The following MDFIC variants were observed in gnomAD, a reference collection of about 807,000 sequenced individuals.
MDFIC encodes myoD family inhibitor domain-containing protein.
A neutral mutation model predicts 23.2 loss-of-function variants in MDFIC; 17 were observed. The observed-to-expected ratio is 0.73, with a 90% CI of 0.50 to 1.10. The LOEUF is 1.10. Among genes scored for constraint, MDFIC ranks in the 50% least tolerant of loss-of-function variants. The probability of loss-of-function intolerance (pLI) is 0.00; values close to 1 mark genes in which losing one functional copy is unlikely to be tolerated. For missense variants in MDFIC, 356 were observed against 316.6 expected, an observed-to-expected ratio of 1.12 and a Z score of -0.95; for synonymous variants, 120 against 115.2, an observed-to-expected ratio of 1.04 and a Z score of -0.27.
rs537042324 is a variant in MDFIC, at chr7:115,016,185, C to G, written c.*250C>G. ...ACAATAACTTAGGGACATTTTGACA[C>G]CCCCCTTCCCAAATGTTAAATGCCT... On this transcript the variant is annotated 3_prime_UTR_variant, in exon 5 of 5. Coordinates refer to ENST00000393486, the MANE Select transcript of MDFIC (RefSeq NM_001166345.3). 2.5e-6 allele frequency: 1 copy of G among 404,382 alleles called. No individual in the cohort carries two copies. Among genetic ancestry groups the G allele is most frequent in the Non-Finnish European group, 4.4e-6 (1 of 225,862 alleles). The allele number at this position is 404,382 out of a possible 1,614,324, so 25.0% of individuals were successfully genotyped here. A position where few individuals can be genotyped will look rare whatever the true frequency, so the allele number is the denominator to read the frequency against.
At chr7:114,924,243 G>A (rs1397318748) in intron 2 of MDFIC, among the ~76,000 whole-genome samples, 1 of 152,144 alleles carries the variant, frequency 6.6e-6, no homozygotes, top group African/African-American at 2.4e-5. Context: ...TTTCTGAGAA[G>A]CAGCCCGTGT....
intron 4 of MDFIC, among the ~76,000 whole-genome samples, chr7:114,998,520 A>G (rs1035500832): frequency 6.6e-6 from 1 of 152,206 alleles, no homozygotes; most frequent in Non-Finnish European, 1.5e-5. Context: ...CAAATGCCAC[A>G]TGATTTACCT....
At chr7:114,969,935 C>G (rs1260272127) in intron 3 of MDFIC, among the ~76,000 whole-genome samples, 2 of 152,122 alleles carry the variant, frequency 1.3e-5, no homozygotes, top group Non-Finnish European at 2.9e-5. Flanking sequence ...TGGAAGTAGC[C>G]CTTCATGATC....
chr7:114,927,169 C>A (rs757159334), intron 2 of MDFIC, among the ~76,000 whole-genome samples: 4 of 152,098 alleles, frequency 2.6e-5, no homozygotes, highest in Non-Finnish European at 4.4e-5. Context: ...TTGGTTTCAT[C>A]CCAGACTTAT....
At chr7:114,975,451 G>C (rs933571553) in intron 3 of MDFIC, among the ~76,000 whole-genome samples, 2 of 151,866 alleles carry the variant, frequency 1.3e-5, no homozygotes, top group Non-Finnish European at 2.9e-5. Flanking sequence ...GTAAAGATTT[G>C]AAAAAAGAAA....
rs764512112 is a variant in MDFIC at position 114,922,570 on chromosome 7, T to A, written c.-174T>A. 7.9e-7 allele frequency: 1 copy of A among 1,268,882 alleles called. No individual in the cohort carries two copies. 78.6% of individuals were successfully genotyped at this position (1,268,882 alleles called of 1,614,324 possible). ...CGGCCGCTGCCGGAGGCTCGCTAAC[T>A]TTCCGGGGCGGAAGAGGAGGAGGAG... On this transcript the variant is annotated 5_prime_UTR_variant, in exon 1 of 5. Coordinates refer to ENST00000393486, the MANE Select transcript of MDFIC (RefSeq NM_001166345.3).
chr7:114,934,623 G>A (rs1451287695), intron 2 of MDFIC, among the ~76,000 whole-genome samples: 2 of 152,056 alleles, frequency 1.3e-5, no homozygotes, highest in African/African-American at 4.8e-5. Flanking sequence ...CCCTTCAAAG[G>A]AATATATTTT....
At chr7:114,969,995 C>G (rs1030648770) in intron 3 of MDFIC, among the ~76,000 whole-genome samples, 2 of 152,172 alleles carry the variant, frequency 1.3e-5, no homozygotes, top group Non-Finnish European at 2.9e-5. Flanking sequence ...CGTAGGATAG[C>G]CACAGTGTAA....
At chr7:114,938,788 C>G (rs1792483452) in intron 2 of MDFIC, among the ~76,000 whole-genome samples, 1 of 6,894 alleles carries the variant, frequency 1.5e-4, no homozygotes, top group South Asian at 0.015. Context: ...TATGGGTTGT[C>G]TTTCAGGTCT....
chr7:114,976,919 A>G (rs1031921654), intron 3 of MDFIC, among the ~76,000 whole-genome samples: 1 of 152,130 alleles, frequency 6.6e-6, no homozygotes, highest in African/African-American at 2.4e-5. Flanking sequence ...AGTCCTCTTT[A>G]GCACATTTAT....
intron 2 of MDFIC, among the ~76,000 whole-genome samples, chr7:114,941,608 AC>A (rs1480919244): frequency 1.3e-5 from 2 of 151,578 alleles, no homozygotes; most frequent in African/African-American, 4.9e-5. Context: ...AGTGCTCTGG[AC>A]CTCTCATAGC....
chr7:114,994,993 C>T lies in MDFIC; in HGVS notation c.493+15212C>T, dbSNP rs1442373847. On this transcript the variant is annotated intron_variant, in intron 4 of 4. Coordinates refer to ENST00000393486, the MANE Select transcript of MDFIC (RefSeq NM_001166345.3). ...GTCACTTTCAGGTACACCAATCAGACGTAGATTTGGTCTTTTCACATAGCC... is the reference window on the plus strand; with the variant it reads ...GTCACTTTCAGGTACACCAATCAGATGTAGATTTGGTCTTTTCACATAGCC... Among the ~76,000 whole-genome samples, 8 of 152,254 alleles carry T rather than the reference C, an allele frequency of 5.3e-5. No homozygotes were observed. The East Asian group carries it at 5.8e-4, about 11-fold the overall frequency.
intron 4 of MDFIC, among the ~76,000 whole-genome samples, chr7:115,002,425 G>T (rs1791483240): frequency 6.6e-6 from 1 of 152,144 alleles, no homozygotes; most frequent in Non-Finnish European, 1.5e-5. Context: ...ACTTCAATAT[G>T]TCCCAAATTC....
Position 114,981,948 on chromosome 7 carries a change from G to A in MDFIC, c.493+2167G>A, listed in dbSNP as rs144615257. 7.0e-4 allele frequency among the ~76,000 whole-genome samples: 107 copies of A among 152,324 alleles called. No homozygotes were observed. The Middle Eastern group carries it at 0.017, about 24-fold the overall frequency. Reference sequence around the variant, plus strand: ...AAAAAATCCGTTGAACTGGTAGATGGCAAATTAAAAGGAAAAACATTCTCA... The same window carrying A: ...AAAAAATCCGTTGAACTGGTAGATGACAAATTAAAAGGAAAAACATTCTCA... On this transcript the variant is annotated intron_variant, in intron 4 of 4. Transcript: ENST00000393486.
At chr7:114,935,949 A>C (rs1435577350) in intron 2 of MDFIC, among the ~76,000 whole-genome samples, 1 of 152,162 alleles carries the variant, frequency 6.6e-6, no homozygotes, top group African/African-American at 2.4e-5. Context: ...AAAAGTGCTT[A>C]CTGCAATAAC....
chr7:115,009,292 G>A (rs1223185166), intron 4 of MDFIC, among the ~76,000 whole-genome samples: 1 of 152,146 alleles, frequency 6.6e-6, no homozygotes, highest in Non-Finnish European at 1.5e-5. Flanking sequence ...GTCCTTTCCT[G>A]TACTCCACTT....
intron 3 of MDFIC, among the ~76,000 whole-genome samples, chr7:114,957,132 A>G (rs1026626114): frequency 2.6e-4 from 39 of 152,374 alleles, no homozygotes; most frequent in African/African-American, 7.9e-4. Flanking sequence ...GCTAAATGGT[A>G]CAGTGAAAGC....
chr7:114,985,515 A>G (rs1279946592), intron 4 of MDFIC, among the ~76,000 whole-genome samples: 2 of 150,930 alleles, frequency 1.3e-5, no homozygotes, highest in African/African-American at 2.4e-5. Context: ...TGTTTGTTTG[A>G]TAAGTAAGGT....
chr7:114,939,212 G>A (rs976959776), intron 2 of MDFIC, among the ~76,000 whole-genome samples: 3 of 152,196 alleles, frequency 2.0e-5, no homozygotes, highest in Non-Finnish European at 4.4e-5. Context: ...AGTGGTCACA[G>A]AAGTTTTGTT....
Sources: allele counts gnomAD v4.1 joint callset (sites outside exome capture counted in the v4.1 genomes callset), GRCh38; gene constraint gnomAD v4.1.1; transcripts MANE v1.5; gene names NCBI Gene and HGNC (gene_info 2026-07-23, HGNC 2026-07-21).